PRMT8: variants seen among roughly 807,000 people sequenced by gnomAD.
The protein encoded by PRMT8 is protein arginine N-methyltransferase 8.
Under a neutral mutation model 47.1 loss-of-function variants are expected in PRMT8, and 7 were observed. The ratio of observed to expected loss-of-function variants is 0.15; its 90% CI spans 0.08 to 0.28. PRMT8 has a LOEUF of 0.28. Ranked by LOEUF, PRMT8 falls within the 10% of genes least tolerant of loss-of-function variation. The pLI is 1.00. For synonymous variants in PRMT8, 188 were observed against 186.5 expected (o/e 1.01, Z -0.07); for missense variants, 237 against 505.4 (o/e 0.47, Z 5.09).
At chr12:3,485,717 C>T (rs1245004276) in intron 1 of PRMT8, among the ~76,000 whole-genome samples, 1 of 152,086 alleles carries the variant, frequency 6.6e-6, no homozygotes, top group African/African-American at 2.4e-5. Flanking sequence ...CATTTATATA[C>T]AGCATACACC....
At chr12:3,475,586 A>G (rs888276289) in intron 1 of PRMT8, among the ~76,000 whole-genome samples, 3 of 152,230 alleles carry the variant, frequency 2.0e-5, no homozygotes, top group African/African-American at 7.2e-5. Flanking sequence ...TTATGTCTAG[A>G]GAACGCTACC....
chr12:3,468,204 G>A (rs935883100), intron 1 of PRMT8, among the ~76,000 whole-genome samples: 4 of 152,166 alleles, frequency 2.6e-5, no homozygotes, highest in African/African-American at 9.7e-5. Flanking sequence ...GCTGGATATC[G>A]TGCGTAAGCA....
chr12:3,397,529 C>T (rs1044431051), intron 1 of PRMT8, among the ~76,000 whole-genome samples: 2 of 151,372 alleles, frequency 1.3e-5, no homozygotes, highest in Admixed American at 1.3e-4. Context: ...GCTCGGGGGT[C>T]AGGGGTCAGG....
At position 3,550,156 on chromosome 12, in the gene PRMT8, A is replaced by C; in HGVS notation, c.417+65A>C. 6.3e-7 allele frequency: 1 copy of C among 1,584,850 alleles called. No individual in the cohort carries two copies. On this transcript the variant is annotated intron_variant, in intron 3 of 9. Transcript: ENST00000382622. This position sits in a 1 kb window ranked among gnomAD's most constrained non-coding sequence, Gnocchi z 5.1. ...AGCCAGCCTCTTGCCCTCTGCCTCCACCCGCCCTTCTAGAAGTACAAAATT... is the reference window on the plus strand; with the variant it reads ...AGCCAGCCTCTTGCCCTCTGCCTCCCCCCGCCCTTCTAGAAGTACAAAATT...
At chr12:3,545,527 A>T (rs913781030) in intron 2 of PRMT8, among the ~76,000 whole-genome samples, 5 of 152,226 alleles carry the variant, frequency 3.3e-5, no homozygotes, top group Admixed American at 1.3e-4. Context: ...ACAGGAAGTG[A>T]TGGCTGGGCT....
intron 1 of PRMT8, among the ~76,000 whole-genome samples, chr12:3,476,195 G>A (rs924115303): frequency 6.6e-6 from 1 of 152,172 alleles, no homozygotes; most frequent in African/African-American, 2.4e-5. Flanking sequence ...CTCTAAGTGG[G>A]AGTGGTTTAG....
At chr12:3,575,294 C>T (rs1259437028) in intron 6 of PRMT8, among the ~76,000 whole-genome samples, 1 of 152,218 alleles carries the variant, frequency 6.6e-6, no homozygotes, top group Non-Finnish European at 1.5e-5. Context: ...CAGGAACATA[C>T]GTTCCCTAAG....
intron 1 of PRMT8, among the ~76,000 whole-genome samples, chr12:3,480,966 A>C (rs1479337537): frequency 6.6e-6 from 1 of 152,208 alleles, no homozygotes; most frequent in Non-Finnish European, 1.5e-5. Flanking sequence ...GCTGATATCC[A>C]CAAGAGGTGG....
rs1866108383 is a variant in PRMT8, at chr12:3,535,823, G to A, written c.76-4783G>A. Among the ~76,000 whole-genome samples the A allele has an allele frequency of 6.6e-6, 1 of 152,178 alleles. No individual in the cohort carries two copies. The highest frequency in any genetic ancestry group is 2.4e-5 in the African/African-American group (1 of 41,444). On this transcript the variant is annotated intron_variant, in intron 1 of 9. Coordinates refer to ENST00000382622, the MANE Select transcript of PRMT8 (RefSeq NM_019854.5). The surrounding 1 kb of genome is among the most constrained non-coding windows in gnomAD (Gnocchi z 4.7). The stretch of plus-strand genomic sequence containing the variant: ...AGAGTCCAGCTGCCCATCCGAGTGT[G>A]ATTCCAAATCCTTTTGCTGACTTCT...
chr12:3,481,728 G>A (rs1591563537), intron 1 of PRMT8, among the ~76,000 whole-genome samples: 1 of 152,130 alleles, frequency 6.6e-6, no homozygotes, highest in Admixed American at 6.5e-5. Context: ...CTTGGTGGCG[G>A]GGAGCTTTGT....
chr12:3,421,575 A>G (rs1864541450), intron 1 of PRMT8, among the ~76,000 whole-genome samples: 1 of 152,050 alleles, frequency 6.6e-6, no homozygotes, highest in Admixed American at 6.5e-5. Flanking sequence ...ATATCCCATT[A>G]CCCAAATGCT....
At chr12:3,417,706 T>C (rs997967062) in intron 1 of PRMT8, among the ~76,000 whole-genome samples, 1 of 152,224 alleles carries the variant, frequency 6.6e-6, no homozygotes, top group African/African-American at 2.4e-5. Flanking sequence ...CATTCCATAT[T>C]GTCACTCGTA....
intron 4 of PRMT8, among the ~76,000 whole-genome samples, chr12:3,556,867 T>C (rs1346536891): frequency 6.6e-6 from 1 of 151,544 alleles, no homozygotes; most frequent in Admixed American, 6.6e-5. Flanking sequence ...GGAGGGGTGG[T>C]CTTTGCCTTG....
chr12:3,466,529 T>C (rs1261117545), intron 1 of PRMT8, among the ~76,000 whole-genome samples: 1 of 151,982 alleles, frequency 6.6e-6, no homozygotes, highest in East Asian at 1.9e-4. Flanking sequence ...CCAAGAAAAA[T>C]GGAGGGATGG....
intron 1 of PRMT8, among the ~76,000 whole-genome samples, chr12:3,412,369 C>T (rs1033997904): frequency 6.6e-6 from 1 of 152,142 alleles, no homozygotes; most frequent in Non-Finnish European, 1.5e-5. Flanking sequence ...ATGTGAAGAC[C>T]TAGAACTACT....
rs1330906543 is a variant in PRMT8 at position 3,491,280 on chromosome 12, G to A, written c.-346G>A. 8.9e-6 allele frequency: 10 copies of A among 1,122,954 alleles called. No individual in the cohort carries two copies. Among genetic ancestry groups the A allele is most frequent in the African/African-American group, 1.6e-5 (1 of 61,246 alleles). 69.6% of individuals were successfully genotyped at this position (1,122,954 alleles called of 1,614,324 possible). A position where few individuals can be genotyped will look rare whatever the true frequency, so the allele number is the denominator to read the frequency against. On this transcript the variant is annotated 5_prime_UTR_variant, in exon 1 of 10. Coordinates refer to ENST00000382622, the MANE Select transcript of PRMT8 (RefSeq NM_019854.5). The stretch of plus-strand genomic sequence containing the variant: ...CCGGCCGGACTTTGCGAGCAGCCTG[G>A]AGAGGATCCGCGACCGCCGCCGCCG...
At chr12:3,529,989 G>A (rs940363608) in intron 1 of PRMT8, among the ~76,000 whole-genome samples, 1 of 152,178 alleles carries the variant, frequency 6.6e-6, no homozygotes, top group African/African-American at 2.4e-5. Context: ...CACTTGTAGT[G>A]TGTGGAATTA....
chr12:3,573,759 T>A (rs1256105951), intron 6 of PRMT8, among the ~76,000 whole-genome samples: 1 of 152,198 alleles, frequency 6.6e-6, no homozygotes, highest in Non-Finnish European at 1.5e-5. Flanking sequence ...TTTTCATCCA[T>A]TAACAAAAGC....
rs1865757172 is a variant in PRMT8 at position 3,514,370 on chromosome 12, G to A, written c.75+22670G>A. Among the ~76,000 whole-genome samples, 1 of 152,166 alleles carries A rather than the reference G, an allele frequency of 6.6e-6. No homozygotes were observed. Among genetic ancestry groups the A allele is most frequent in the Admixed American group, 6.5e-5 (1 of 15,288 alleles). ...CTGGCTCACCTTGTGGGGGATGCCA[G>A]CACCAGATTGCTGTTGGGGTGTGGC... On this transcript the variant is annotated intron_variant, in intron 1 of 9. Transcript: ENST00000382622. This position sits in a 1 kb window ranked among gnomAD's most constrained non-coding sequence, Gnocchi z 5.9.
Sources: allele counts gnomAD v4.1 joint callset (sites outside exome capture counted in the v4.1 genomes callset), GRCh38; gene constraint gnomAD v4.1.1; non-coding constraint Gnocchi (gnomAD v3.1); transcripts MANE v1.5; gene names NCBI Gene and HGNC (gene_info 2026-07-23, HGNC 2026-07-21).